Variants in UNC93A observed in about 807,000 individuals in gnomAD.
The protein encoded by UNC93A is unc-93 homolog A.
Under a neutral mutation model 47.5 loss-of-function variants are expected in UNC93A, and 43 were observed. The observed-to-expected ratio is 0.91, with a 90% CI of 0.71 to 1.17. The LOEUF (loss-of-function observed/expected upper bound fraction) is 1.17, where lower values mean the gene tolerates loss of function less well. Among genes scored for constraint, UNC93A ranks in the 50% most tolerant of loss-of-function variants. The pLI, the probability that UNC93A is intolerant of heterozygous loss-of-function variation, is 0.00. For missense variants in UNC93A, 605 were observed against 577.6 expected (o/e 1.05, Z -0.49); for synonymous variants, 280 against 258.0 (o/e 1.09, Z -0.82).
At chr6:167,300,577 T>C (rs3010548) in intron 4 of UNC93A, among the ~76,000 whole-genome samples, 24,657 of 151,936 alleles carry the variant, frequency 0.16, 2,564 homozygotes, top group African/African-American at 0.29. Flanking sequence ...GTTTCAGAAG[T>C]GAGTGGAAGG....
At chr6:167,305,428 G>A (rs537951551) in intron 5 of UNC93A, among the ~76,000 whole-genome samples, 10 of 152,282 alleles carry the variant, frequency 6.6e-5, no homozygotes, top group South Asian at 6.2e-4. Flanking sequence ...CTGCGTGCCC[G>A]CCCTTGAGGT....
chr6:167,310,786 C>A (rs895501981), intron 7 of UNC93A, among the ~76,000 whole-genome samples: 6 of 152,156 alleles, frequency 3.9e-5, no homozygotes, highest in Non-Finnish European at 5.9e-5. Context: ...GAGGCTGAAG[C>A]TGGAGGATCA....
At chr6:167,295,212 C>T (rs1037398527) in intron 2 of UNC93A, among the ~76,000 whole-genome samples, 13 of 152,134 alleles carry the variant, frequency 8.5e-5, no homozygotes, top group East Asian at 3.9e-4. Flanking sequence ...CCCCAGGCCC[C>T]GGGAACACAG....
In UNC93A at chr6:167,307,882, A is replaced by T. The variant is rs1217639050; in HGVS notation, c.1080A>T (p.Ala360=). 1 of 1,613,912 alleles carries T rather than the reference A, an allele frequency of 6.2e-7. No homozygotes were observed. The highest frequency in any genetic ancestry group is 8.5e-7 in the Non-Finnish European group (1 of 1,179,868). ...TATTCTCTGGCCTGTGGGGCGTGGC[A>T]GATGCCGTCTGGCAGACACAAAACA... The part of the protein sequence containing the change: ...FFVFSGLWGV[A]DAVWQTQNNA... Residue 360 remains alanine (A), a synonymous_variant, in exon 7 of 8, where the codon GCA becomes GCT. Coordinates refer to ENST00000230256, the MANE Select transcript of UNC93A (RefSeq NM_018974.4).
At chr6:167,313,794 C>T (rs1183125606) in intron 7 of UNC93A, among the ~76,000 whole-genome samples, 1 of 152,082 alleles carries the variant, frequency 6.6e-6, no homozygotes, top group African/African-American at 2.4e-5. Flanking sequence ...TTCCCTAGAA[C>T]CTTGGTTTTG....
chr6:167,278,418 A>G (rs560387366), intron 1 of UNC93A, among the ~76,000 whole-genome samples: 1 of 152,332 alleles, frequency 6.6e-6, no homozygotes, highest in East Asian at 1.9e-4. Flanking sequence ...CGGTGGGTGC[A>G]TGAGGCTGCA....
At chr6:167,288,271 C>T (rs1783775523), upstream of UNC93A, among the ~76,000 whole-genome samples, 1 of 152,196 alleles carries the variant, frequency 6.6e-6, no homozygotes, top group Admixed American at 6.5e-5. Flanking sequence ...TCTCTGGGTT[C>T]TCCTTGGCCG....
At position 167,315,184 on chromosome 6, in the gene UNC93A, C is replaced by T; in HGVS notation, c.1109-3C>T. 6.2e-7 allele frequency: 1 copy of T among 1,613,342 alleles called. No homozygotes were observed. The highest frequency in any genetic ancestry group is 8.5e-7 in the Non-Finnish European group (1 of 1,179,856). On this transcript the variant is annotated splice_polypyrimidine_tract_variant and splice_region_variant and intron_variant, in intron 7 of 7. Transcript: ENST00000230256. ...AGCTCTCACTCCGCTCTCTCCTCTG[C>T]AGCTCTCTACGGCGTTCTGTTTGAG...
rs1265444423 is a variant in UNC93A, at chr6:167,307,907, A to G, written c.1105A>G (p.Asn369Asp). The G allele has an allele frequency of 6.2e-7, 1 of 1,613,414 alleles. No individual in the cohort carries two copies. The highest frequency in any genetic ancestry group is 8.5e-7 in the Non-Finnish European group (1 of 1,179,634). ...VADAVWQTQN[N>D]ALYGVLFEKS... ...AGATGCCGTCTGGCAGACACAAAAC[A>G]ATGGTGAGTCCCCAGCCCAGGCCCC... The change falls in exon 7 of 8, where the codon AAT becomes GAT. Residue 369 changes from asparagine to aspartate, a missense_variant. Asn to Asp is a conservative substitution (Grantham distance 23). Coordinates refer to ENST00000230256, the MANE Select transcript of UNC93A (RefSeq NM_018974.4).
upstream of UNC93A, among the ~76,000 whole-genome samples, chr6:167,289,721 T>A (rs1009530019): frequency 1.1e-4 from 17 of 151,206 alleles, no homozygotes; most frequent in African/African-American, 4.1e-4. Flanking sequence ...GACAGTGCAA[T>A]AAAACATCAG....
At chr6:167,284,846 T>G (rs1323875044) in intron 1 of UNC93A, among the ~76,000 whole-genome samples, 1 of 150,242 alleles carries the variant, frequency 6.7e-6, no homozygotes, top group African/African-American at 2.5e-5. Context: ...TTGAGAACAT[T>G]GGGAGATCTT....
Position 167,315,979 on chromosome 6 carries a change from G to T in UNC93A, c.*527G>T. 1 of 154,854 alleles carries T rather than the reference G, an allele frequency of 6.5e-6. No individual in the cohort carries two copies. The highest frequency in any genetic ancestry group is 1.3e-5 in the Non-Finnish European group (1 of 74,078). 9.6% of individuals were successfully genotyped at this position (154,854 alleles called of 1,614,324 possible). A position where few individuals can be genotyped will look rare whatever the true frequency, so the allele number is the denominator to read the frequency against. On this transcript the variant is annotated 3_prime_UTR_variant, in exon 8 of 8. Coordinates refer to ENST00000230256, the MANE Select transcript of UNC93A (RefSeq NM_018974.4). ...GCTCAGGATTCCTGAAACGTGTGGG[G>T]TCTGCGTTTCTAAATAAAGACGGTT...
rs199826032 is a variant in UNC93A at position 167,307,852 on chromosome 6, C to G, written c.1050C>G (p.Phe350Leu). The change falls in exon 7 of 8, where the codon TTC becomes TTG. Residue 350 changes from phenylalanine (F) to leucine (L), a missense_variant. Transcript: ENST00000230256. ...WRPRADHLAV[F>L]FVFSGLWGVA... ...CTCGTGCTGACCATCTGGCAGTGTT[C>G]TTCGTATTCTCTGGCCTGTGGGGCG... The G allele has an allele frequency of 9.9e-6, 16 of 1,613,946 alleles. No homozygotes were observed. Among genetic ancestry groups the G allele is most frequent in the Non-Finnish European group, 1.4e-5 (16 of 1,179,968 alleles).
At chr6:167,295,432 TCGGCCTCCCTCG>T (rs1562349901) in intron 2 of UNC93A, among the ~76,000 whole-genome samples, 1 of 139,452 alleles carries the variant, frequency 7.2e-6, no homozygotes, top group Non-Finnish European at 1.5e-5. Context: ...CTCGTGATCC[TCGGCCTCCCTCG>T]TGCTCCTCGC....
At chr6:167,291,662 G>GA in intron 1 of UNC93A, 86 bp downstream of exon 1, 3 of 1,308,552 alleles carry the variant, frequency 2.3e-6, no homozygotes, top group South Asian at 1.4e-5. Context: ...TTGGAAATTT[G>GA]AAAAATCTAA....
chr6:167,311,604 A>G (rs1778556933), intron 7 of UNC93A, among the ~76,000 whole-genome samples: 1 of 152,184 alleles, frequency 6.6e-6, no homozygotes, highest in Non-Finnish European at 1.5e-5. Flanking sequence ...TCAGTGCCCT[A>G]TTCACTTAAC....
chr6:167,304,795 C>G (rs2115161272), intron 5 of UNC93A, among the ~76,000 whole-genome samples: 1 of 152,298 alleles, frequency 6.6e-6, no homozygotes, highest in East Asian at 1.9e-4. Flanking sequence ...GTCTCAAACT[C>G]CCAACCTCAG....
intron 1 of UNC93A, among the ~76,000 whole-genome samples, chr6:167,276,880 C>T (rs955640178): frequency 4.6e-5 from 7 of 152,244 alleles, no homozygotes; most frequent in African/African-American, 1.7e-4. Context: ...TAAACATGAG[C>T]AGCTGCCATC....
rs185949774 is a variant in UNC93A, at chr6:167,275,468, A to G, written c.-52+4010A>G. 3.1e-3 allele frequency among the ~76,000 whole-genome samples: 473 copies of G among 152,344 alleles called. 3 individuals are homozygous for G. Among genetic ancestry groups the G allele is most frequent in the Middle Eastern group, 0.01 (3 of 294 alleles). ...TGGCACTCTCCACATTTGGGCTTTC[A>G]TGATACCTGGTGGTCAGCTCACCCA... On this transcript the variant is annotated intron_variant, in intron 1 of 3. Transcript: ENST00000503433.
Sources: gnomAD v4.1 joint callset for allele counts (sites outside exome capture counted in the v4.1 genomes callset) on GRCh38, gnomAD v4.1.1 for gene constraint, MANE v1.5 for transcripts, NCBI Gene and HGNC (gene_info 2026-07-23, HGNC 2026-07-21) for gene names.